Variants in HDLBP observed in about 807,000 individuals in gnomAD.
HDLBP encodes the protein vigilin.
Under a neutral mutation model 137.3 loss-of-function variants are expected in HDLBP, and 30 were observed. The ratio of observed to expected loss-of-function variants is 0.22; its 90% CI spans 0.16 to 0.30. HDLBP has a LOEUF of 0.30. Ranked by LOEUF, HDLBP falls within the 10% of genes least tolerant of loss-of-function variation. The pLI, the probability that HDLBP is intolerant of heterozygous loss-of-function variation, is 1.00. For missense variants in HDLBP, 1,119 were observed against 1,667.3 expected (o/e 0.67, Z 5.73); for synonymous variants, 606 against 596.0 (o/e 1.02, Z -0.24).
At chr2:241,293,021 C>T (rs201730814) in intron 1 of HDLBP, among the ~76,000 whole-genome samples, 10 of 148,970 alleles carry the variant, frequency 6.7e-5, no homozygotes, top group African/African-American at 2.2e-4. Context: ...AGCGAGACCC[C>T]GTCTCAGAAA....
In HDLBP at chr2:241,230,345, T is replaced by C. The variant is rs2069592729; in HGVS notation, c.3475-76A>G. On this transcript the variant is annotated intron_variant, in intron 25 of 27. Transcript: ENST00000310931. This position sits in a 1 kb window ranked among gnomAD's most constrained non-coding sequence, Gnocchi z 5.0. Reference sequence around the variant, plus strand: ...GTTAAAATTATGTGTCAATTTCTAGTGAAGCATTTTCTGAGTTAGCAAACG... The same window carrying C: ...GTTAAAATTATGTGTCAATTTCTAGCGAAGCATTTTCTGAGTTAGCAAACG... The C allele has an allele frequency of 1.1e-6, 1 of 934,066 alleles. No homozygotes were observed. The highest frequency in any genetic ancestry group is 1.7e-6 in the Non-Finnish European group (1 of 604,438). 57.9% of individuals were successfully genotyped at this position (934,066 alleles called of 1,614,324 possible). A position where few individuals can be genotyped will look rare whatever the true frequency, so the allele number is the denominator to read the frequency against.
intron 21 of HDLBP, chr2:241,236,060 C>T (rs1479130010): frequency 6.3e-5 from 12 of 191,562 alleles, no homozygotes; most frequent in Non-Finnish European, 1.2e-4. Context: ...CCCTGTCTCC[C>T]CCACCGCCCT....
In HDLBP at chr2:241,239,248, G is replaced by A. The variant is rs940298382; in HGVS notation, c.2610+354C>T. 6.6e-6 allele frequency among the ~76,000 whole-genome samples: 1 copy of A among 152,204 alleles called. No homozygotes were observed. The highest frequency in any genetic ancestry group is 1.5e-5 in the Non-Finnish European group (1 of 68,028). On this transcript the variant is annotated intron_variant, in intron 19 of 27. Transcript: ENST00000310931. This position sits in a 1 kb window ranked among gnomAD's most constrained non-coding sequence, Gnocchi z 4.6. ...TCGATTTTCTTTCCTTCACAGAGGG[G>A]AGAAGAGAGCTGACCCCTTAGACTG...
intron 1 of HDLBP, among the ~76,000 whole-genome samples, chr2:241,269,876 T>C (rs775433375): frequency 5.9e-5 from 9 of 152,048 alleles, no homozygotes; most frequent in Non-Finnish European, 1.2e-4. Context: ...GTCTCCCGCA[T>C]CCACCCTCCG....
rs535864674 is a variant in HDLBP, at chr2:241,255,182, T to A, written c.1081-24A>T. The A allele has an allele frequency of 5.1e-5, 82 of 1,603,832 alleles. No individual in the cohort carries two copies. The South Asian group carries it at 8.6e-4, about 17-fold the overall frequency. ...GCCTAAGAAAATGGGAGAACAGCCA[T>A]GGGTTTGCAGAGCTCAAGGTCGTGT... On this transcript the variant is annotated intron_variant, in intron 8 of 27. Transcript: ENST00000310931.
Position 241,227,476 on chromosome 2 carries a change from CT to C in HDLBP, c.*2124del, listed in dbSNP as rs1175380746. ...GGAAAAGCACACGCACGCCTCACCC[CT>C]GCCTCATCTCTGCCCAGGGCTGTCC... On this transcript the variant is annotated 3_prime_UTR_variant, in exon 28 of 28. Transcript: ENST00000310931. 3 of 152,586 alleles carry C rather than the reference CT, an allele frequency of 2.0e-5. No homozygotes were observed. The highest frequency in any genetic ancestry group is 4.4e-5 in the Non-Finnish European group (3 of 68,078). 9.5% of individuals were successfully genotyped at this position (152,586 alleles called of 1,614,324 possible).
chr2:241,286,973 G>C (rs1486778195), intron 1 of HDLBP, among the ~76,000 whole-genome samples: 2 of 150,102 alleles, frequency 1.3e-5, no homozygotes, highest in African/African-American at 2.4e-5. Context: ...AAAACATGTA[G>C]AATCCAGCCA....
At position 241,266,708 on chromosome 2, in the gene HDLBP, C is replaced by G. The variant is rs191953751; in HGVS notation, c.76+86G>C. 4.9e-5 allele frequency: 45 copies of G among 923,134 alleles called. No individual in the cohort carries two copies. In the African/African-American group the frequency reaches 6.2e-4, roughly 13 times the overall value. 57.2% of individuals were successfully genotyped at this position (923,134 alleles called of 1,614,324 possible). A position where few individuals can be genotyped will look rare whatever the true frequency, so the allele number is the denominator to read the frequency against. On this transcript the variant is annotated intron_variant, in intron 3 of 27. Transcript: ENST00000310931. The stretch of plus-strand genomic sequence containing the variant: ...ACAACCACAGGGCCAAAAGGTACTT[C>G]TAGAAAGGGCATGGGATTTGGTAAA...
intron 1 of HDLBP, among the ~76,000 whole-genome samples, chr2:241,301,468 A>T (rs2075394168): frequency 6.6e-6 from 1 of 152,216 alleles, no homozygotes; most frequent in African/African-American, 2.4e-5. Flanking sequence ...TAATATACAC[A>T]TTGCTACAAA....
At chr2:241,270,937 G>C in intron 1 of HDLBP, 1 of 971,074 alleles carries the variant, frequency 1.0e-6, no homozygotes. Context: ...GGATTGAAAG[G>C]AACCTCAGAT....
intron 3 of HDLBP, among the ~76,000 whole-genome samples, chr2:241,265,859 C>CT (rs1289342243): frequency 2.0e-5 from 3 of 152,224 alleles, no homozygotes; most frequent in Non-Finnish European, 4.4e-5. Context: ...CACAGGGAAG[C>CT]TGGCTCCAGG....
In HDLBP at chr2:241,268,463, A is replaced by G; in HGVS notation, c.-38+14T>C. The G allele has an allele frequency of 1.0e-6, 1 of 985,938 alleles. No individual in the cohort carries two copies. The highest frequency in any genetic ancestry group is 1.2e-6 in the Non-Finnish European group (1 of 829,972). The allele number at this position is 985,938 out of a possible 1,614,324, so 61.1% of individuals were successfully genotyped here. ...GCCCAGGGACAGGAAGTCTTCAGAC[A>G]GGGTCAAACTTACCAGCAAAACGGT... is the stretch of plus-strand genomic sequence containing the variant. On this transcript the variant is annotated intron_variant, in intron 2 of 27. Transcript: ENST00000310931.
chr2:241,269,755 C>T (rs1012166594), intron 1 of HDLBP, among the ~76,000 whole-genome samples: 2 of 152,286 alleles, frequency 1.3e-5, no homozygotes, highest in Non-Finnish European at 2.9e-5. Context: ...ACATTCACAA[C>T]TCGGCAAGAG....
Position 241,271,286 on chromosome 2 carries a change from T to A in HDLBP, c.-102-2745A>T, listed in dbSNP as rs2074018107. 2.0e-5 allele frequency among the ~76,000 whole-genome samples: 3 copies of A among 152,344 alleles called. No homozygotes were observed. The South Asian group carries it at 6.2e-4, about 32-fold the overall frequency. On this transcript the variant is annotated intron_variant, in intron 1 of 27. Transcript: ENST00000310931. Reference sequence around the variant, plus strand: ...TCAAACTATACTGAACCTGGACTTTTAATTTTGTTTCCCAGAGTGCAAACA... The same window carrying A: ...TCAAACTATACTGAACCTGGACTTTAAATTTTGTTTCCCAGAGTGCAAACA...
intron 24 of HDLBP, among the ~76,000 whole-genome samples, chr2:241,232,312 G>A (rs1285729934): frequency 1.4e-5 from 2 of 147,926 alleles, no homozygotes; most frequent in African/African-American, 5.0e-5. Context: ...GTCTCACTCT[G>A]TCGCCCAGGC....
intron 1 of HDLBP, among the ~76,000 whole-genome samples, chr2:241,302,356 A>G (rs1276451640): frequency 2.0e-5 from 3 of 152,108 alleles, no homozygotes; most frequent in African/African-American, 7.2e-5. Context: ...CCAGGAGTAC[A>G]AGACCAGCCT....
chr2:241,239,929 T>G lies in HDLBP; in HGVS notation c.2363A>C (p.Lys788Thr). 6.2e-7 allele frequency: 1 copy of G among 1,614,166 alleles called. No homozygotes were observed. The highest frequency in any genetic ancestry group is 8.5e-7 in the Non-Finnish European group (1 of 1,180,016). The stretch of plus-strand genomic sequence containing the variant: ...GTTTTGGATCAAGGCCTCCAGCTCC[T>G]TCTGTGCCTCTCGGACGGCGTCCTC... ...GKEDAVREAQ[K>T]ELEALIQNLD... Residue 788 changes from lysine to threonine, a missense_variant, in exon 18 of 28, where the codon AAG becomes ACG. Lys to Thr is a moderately conservative substitution (Grantham distance 78). Transcript: ENST00000310931. The surrounding 1 kb of genome is among the most constrained non-coding windows in gnomAD (Gnocchi z 4.6).
intron 5 of HDLBP, among the ~76,000 whole-genome samples, chr2:241,260,928 C>T (rs1018607912): frequency 6.6e-6 from 1 of 152,144 alleles, no homozygotes; most frequent in South Asian, 2.1e-4. Flanking sequence ...TGGTGGCTCA[C>T]ACCTGTAATT....
In HDLBP at chr2:241,231,656, G is replaced by A. The variant is rs146770835; in HGVS notation, c.3289-712C>T. On this transcript the variant is annotated intron_variant, in intron 24 of 27. Transcript: ENST00000310931. Reference sequence around the variant, plus strand: ...TGTGCTGGAGGCTGGAGGCTGGCTGGCATTCCTCAGCGAGCCCCTCCCTCA... The same window carrying A: ...TGTGCTGGAGGCTGGAGGCTGGCTGACATTCCTCAGCGAGCCCCTCCCTCA... Among the ~76,000 whole-genome samples, 452 of 152,200 alleles carry A rather than the reference G, an allele frequency of 3.0e-3. 12 individuals carry two copies. Among genetic ancestry groups the A allele is most frequent in the Admixed American group, 0.021 (325 of 15,296 alleles).
Sources: allele counts gnomAD v4.1 joint callset (sites outside exome capture counted in the v4.1 genomes callset), GRCh38; gene constraint gnomAD v4.1.1; non-coding constraint Gnocchi (gnomAD v3.1); transcripts MANE v1.5; gene names NCBI Gene and HGNC (gene_info 2026-07-23, HGNC 2026-07-21).